The following VWA3B variants were observed in gnomAD, a reference collection of about 807,000 sequenced individuals.
VWA3B encodes the protein von Willebrand factor A domain containing 3B.
A neutral mutation model predicts 158.3 loss-of-function variants in VWA3B; 138 were observed. That is an observed-to-expected ratio of 0.87 (90% CI 0.76 to 1.00). The LOEUF (loss-of-function observed/expected upper bound fraction) is 1.00, where lower values mean the gene tolerates loss of function less well. Ranked by LOEUF, VWA3B falls within the 50% of genes least tolerant of loss-of-function variation. The pLI is 0.00. For missense variants in VWA3B, 1,555 were observed against 1,565.1 expected, an observed-to-expected ratio of 0.99 and a Z score of 0.11; for synonymous variants, 596 against 587.3, an observed-to-expected ratio of 1.01 and a Z score of -0.21.
intron 6 of VWA3B, among the ~76,000 whole-genome samples, chr2:98,131,864 A>C (rs956002883): frequency 4.1e-4 from 63 of 152,194 alleles, no homozygotes; most frequent in African/African-American, 1.3e-3. Context: ...TCTAATTTTC[A>C]AGATCTGTGA....
intron 8 of VWA3B, among the ~76,000 whole-genome samples, chr2:98,178,858 A>G (rs1680232282): frequency 6.6e-6 from 1 of 152,002 alleles, no homozygotes; most frequent in Non-Finnish European, 1.5e-5. Flanking sequence ...GTTAAACAAA[A>G]CTCTATAGCG....
chr2:98,304,683 C>T (rs1690407286), intron 26 of VWA3B, among the ~76,000 whole-genome samples: 1 of 152,094 alleles, frequency 6.6e-6, no homozygotes, highest in South Asian at 2.1e-4. Flanking sequence ...CATTGGGCTC[C>T]AGAGGCCCAT....
rs767109552 is a variant in VWA3B, at chr2:98,298,060, C to T, written c.3282+29C>T. 39 of 1,445,390 alleles carry T rather than the reference C, an allele frequency of 2.7e-5. 1 individual carries two copies. The highest frequency in any genetic ancestry group is 1.3e-5 in the Non-Finnish European group (14 of 1,095,068). The allele number at this position is 1,445,390 out of a possible 1,614,324, so 89.5% of individuals were successfully genotyped here. On this transcript the variant is annotated intron_variant, in intron 24 of 27. Coordinates refer to ENST00000477737, the MANE Select transcript of VWA3B (RefSeq NM_144992.5). The stretch of plus-strand genomic sequence containing the variant: ...CCCAGTCCCTGATGTGTTCTGGGGC[C>T]CCTTTTCACCATCCACAGAGTTTTG...
At chr2:98,092,419 C>A (rs1038229139) in intron 1 of VWA3B, among the ~76,000 whole-genome samples, 1 of 152,124 alleles carries the variant, frequency 6.6e-6, no homozygotes, top group South Asian at 2.1e-4. Flanking sequence ...CCAAGGCGGG[C>A]GGATCACGAG....
intron 26 of VWA3B, among the ~76,000 whole-genome samples, chr2:98,310,392 G>T (rs1037816992): frequency 1.3e-5 from 2 of 152,118 alleles, no homozygotes; most frequent in Non-Finnish European, 2.9e-5. Context: ...CTCCAGGCAG[G>T]GGGGTAGGCA....
chr2:98,207,160 A>G, intron 12 of VWA3B: 1 of 546,094 alleles, frequency 1.8e-6, no homozygotes, highest in Non-Finnish European at 3.7e-6. Context: ...GGCCACTGAC[A>G]TGGTGGGTAT....
At chr2:98,139,420 C>CTGAA in intron 7 of VWA3B, among the ~76,000 whole-genome samples, 1 of 152,390 alleles carries the variant, frequency 6.6e-6, no homozygotes, top group South Asian at 2.1e-4. Flanking sequence ...GCAGCTCCAC[C>CTGAA]TGAAGCCCCT....
intron 21 of VWA3B, among the ~76,000 whole-genome samples, chr2:98,267,311 G>GT (rs1009665877): frequency 2.0e-5 from 3 of 151,732 alleles, no homozygotes; most frequent in African/African-American, 7.3e-5. Context: ...TAATCATGTG[G>GT]TTTTTTGTCT....
the VWA3B span, among the ~76,000 whole-genome samples, chr2:98,328,034 G>T: frequency 6.6e-6 from 1 of 152,020 alleles, no homozygotes; most frequent in African/African-American, 2.4e-5. Context: ...CCTGTCTCTT[G>T]CCCTCCTTCT....
chr2:98,310,395 G>C (rs1349852859), intron 26 of VWA3B, among the ~76,000 whole-genome samples: 1 of 152,096 alleles, frequency 6.6e-6, no homozygotes, highest in African/African-American at 2.4e-5. Context: ...CAGGCAGGGG[G>C]GTAGGCATCT....
chr2:98,299,567 T>G (rs140708304), intron 24 of VWA3B, among the ~76,000 whole-genome samples: 58 of 152,348 alleles, frequency 3.8e-4, no homozygotes, highest in African/African-American at 1.3e-3. Flanking sequence ...TGTACCCTGA[T>G]GATGCAGAAG....
chr2:98,301,437 A>T (rs1690185070), intron 25 of VWA3B, among the ~76,000 whole-genome samples: 2 of 152,234 alleles, frequency 1.3e-5, no homozygotes, highest in Non-Finnish European at 2.9e-5. Context: ...TACTTTACAT[A>T]TCTATATCTG....
intron 7 of VWA3B, among the ~76,000 whole-genome samples, chr2:98,159,150 G>A (rs1678358642): frequency 6.6e-6 from 1 of 152,198 alleles, no homozygotes; most frequent in Non-Finnish European, 1.5e-5. Context: ...AGTCTGAGAA[G>A]TCAATACTAG....
At chr2:98,256,043 C>T (rs905981860) in intron 20 of VWA3B, 81 bp from the exon 21 acceptor site, 94 of 1,503,312 alleles carry the variant, frequency 6.3e-5, no homozygotes, top group Middle Eastern at 5.2e-4. Flanking sequence ...GATGGGCTCC[C>T]ACTGCGGTGC....
the VWA3B span, among the ~76,000 whole-genome samples, chr2:98,326,106 C>A: frequency 6.6e-6 from 1 of 151,930 alleles, no homozygotes; most frequent in Non-Finnish European, 1.5e-5. Context: ...AAGAAGAAAT[C>A]GCAAGGTAAA....
At chr2:98,221,540 A>G (rs1268079745) in intron 14 of VWA3B, among the ~76,000 whole-genome samples, 2 of 152,198 alleles carry the variant, frequency 1.3e-5, no homozygotes, top group African/African-American at 4.8e-5. Flanking sequence ...AGAGCTGACC[A>G]GGGAGCTAAA....
intron 16 of VWA3B, 126 bp from the exon 17 acceptor site, chr2:98,234,522 A>T: frequency 7.2e-7 from 1 of 1,398,434 alleles, no homozygotes. Flanking sequence ...TGGCAGCACC[A>T]TCCTCAGAGG....
At chr2:98,321,608 C>A in the VWA3B span, among the ~76,000 whole-genome samples, 13 of 152,258 alleles carry the variant, frequency 8.5e-5, no homozygotes, top group African/African-American at 3.1e-4. Flanking sequence ...ATGTGACTGC[C>A]CTAACTCCTT....
chr2:98,194,306 A>G, intron 11 of VWA3B, 55 bp from the exon 12 acceptor site: 1 of 1,585,940 alleles, frequency 6.3e-7, no homozygotes. Context: ...GGCCTACCCA[A>G]ACCCTTTCTA....
Sources: allele counts gnomAD v4.1 joint callset (sites outside exome capture counted in the v4.1 genomes callset), GRCh38; gene constraint gnomAD v4.1.1; transcripts MANE v1.5; gene names NCBI Gene and HGNC (gene_info 2026-07-23, HGNC 2026-07-21).